The following PRMT7 variants were observed in gnomAD, a reference collection of about 807,000 sequenced individuals.
PRMT7 encodes protein arginine N-methyltransferase 7.
A neutral mutation model predicts 85.4 loss-of-function variants in PRMT7; 75 were observed. The observed-to-expected ratio is 0.88, with a 90% CI of 0.73 to 1.06. The LOEUF (loss-of-function observed/expected upper bound fraction) is 1.06. Among genes scored for constraint, PRMT7 ranks in the 50% least tolerant of loss-of-function variants. PRMT7 has a pLI of 0.00. For synonymous variants in PRMT7, 397 were observed against 359.5 expected (o/e 1.10, Z -1.18); for missense variants, 868 against 915.2 (o/e 0.95, Z 0.67).
At chr16:68,329,724 C>T (rs944850902) in intron 6 of PRMT7, among the ~76,000 whole-genome samples, 1 of 152,000 alleles carries the variant, frequency 6.6e-6, no homozygotes, top group Non-Finnish European at 1.5e-5. Context: ...AAAAAATTAG[C>T]CAGGCATGGT....
chr16:68,352,590 C>T (rs185148934), intron 15 of PRMT7, 181 bp downstream of exon 15: 30 of 513,814 alleles, frequency 5.8e-5, no homozygotes, highest in African/African-American at 3.3e-4. Flanking sequence ...TTAAAAAATG[C>T]GATAATTTGA....
chr16:68,351,961 C>T (rs1476838130), intron 14 of PRMT7: 3 of 277,304 alleles, frequency 1.1e-5, no homozygotes, highest in South Asian at 8.8e-5. Flanking sequence ...TGTCTGCTTC[C>T]CTCTTCTGCT....
intron 4 of PRMT7, among the ~76,000 whole-genome samples, chr16:68,323,457 T>A (rs533694122): frequency 1.6e-4 from 24 of 152,132 alleles, no homozygotes; most frequent in Admixed American, 1.5e-3. Flanking sequence ...TGACCTCAAG[T>A]GATCCACCCG....
chr16:68,347,560 C>T lies in PRMT7; in HGVS notation c.1276-71C>T, dbSNP rs1041862382. Reference sequence around the variant, plus strand: ...GTCCTCTGTCTTAGGATGGTCTTGTCGCATTTTAATCTTTAATTTCTTCTC... The same window carrying T: ...GTCCTCTGTCTTAGGATGGTCTTGTTGCATTTTAATCTTTAATTTCTTCTC... On this transcript the variant is annotated intron_variant, in intron 12 of 18. Transcript: ENST00000441236. 2.7e-5 allele frequency: 41 copies of T among 1,507,954 alleles called. No individual in the cohort carries two copies. In the African/African-American group the frequency reaches 3.6e-4, roughly 13 times the overall value. The allele number at this position is 1,507,954 out of a possible 1,614,324, so 93.4% of individuals were successfully genotyped here.
intron 4 of PRMT7, chr16:68,324,369 T>C: frequency 2.7e-6 from 1 of 364,818 alleles, no homozygotes; most frequent in East Asian, 7.1e-5. Context: ...CCTCCTACCT[T>C]CCAGTCGCCC....
intron 5 of PRMT7, chr16:68,328,358 T>C (rs2083385491): frequency 6.5e-6 from 1 of 153,410 alleles, no homozygotes; most frequent in Admixed American, 6.5e-5. Context: ...AGTTTCTCAC[T>C]GCCCGAGACA....
At chr16:68,336,378 ATTGT>A (rs138741505) in intron 6 of PRMT7, among the ~76,000 whole-genome samples, 2,314 of 152,276 alleles carry the variant, frequency 0.015, 20 homozygotes, top group Middle Eastern at 0.024. Context: ...TATTTAAGAG[ATTGT>A]TTGGTGACAA....
Position 68,347,229 on chromosome 16 carries a change from G to T in PRMT7, c.1210G>T (p.Val404Leu). The T allele has an allele frequency of 6.4e-7, 1 of 1,552,958 alleles. No individual in the cohort carries two copies. Among genetic ancestry groups the T allele is most frequent in the Non-Finnish European group, 8.7e-7 (1 of 1,147,346 alleles). ...CCCGCAGGTGCTGAAGCCAGACAGC[G>T]TGTGCCTGTGTGTCAGCGATGGCAG... ...ALRTVLKPDS[V>L]CLCVSDGSLL... The change falls in exon 12 of 19, where the codon GTG (valine) becomes TTG (leucine). Residue 404 changes from valine to leucine, a missense_variant. By Grantham distance (32) the Val-to-Leu change is conservative. Coordinates refer to ENST00000441236, the MANE Select transcript of PRMT7 (RefSeq NM_019023.5).
intron 2 of PRMT7, 53 bp downstream of exon 2, chr16:68,312,229 A>ATATATATTT (rs1419393129): frequency 1.8e-5 from 2 of 112,680 alleles, no homozygotes; most frequent in African/African-American, 7.4e-5. Context: ...ATATATATAT[A>ATATATATTT]TTTTTTTTTT....
chr16:68,339,880 C>G lies in PRMT7; in HGVS notation c.839C>G (p.Ser280Trp). The change falls in exon 9 of 19, where the codon TCG becomes TGG. Residue 280 changes from serine (S) to tryptophan (W), a missense_variant. Coordinates refer to ENST00000441236, the MANE Select transcript of PRMT7 (RefSeq NM_019023.5). Reference protein sequence around the residue: ...LTSGRAQVVLSWWDIEMDPEG... With the variant: ...LTSGRAQVVLWWWDIEMDPEG... ...TCTGGCCGAGCTCAGGTGGTTCTCTCGTGGTGGGACATTGAAATGGACCCT... is the reference window on the plus strand; with the variant it reads ...TCTGGCCGAGCTCAGGTGGTTCTCTGGTGGTGGGACATTGAAATGGACCCT... 1 of 1,614,176 alleles carries G rather than the reference C, an allele frequency of 6.2e-7. No homozygotes were observed. The highest frequency in any genetic ancestry group is 1.1e-5 in the South Asian group (1 of 91,076).
intron 4 of PRMT7, chr16:68,322,519 T>C (rs1341679598): frequency 5.6e-6 from 2 of 358,804 alleles, no homozygotes; most frequent in African/African-American, 4.2e-5. Flanking sequence ...GTTTACCATG[T>C]GTATATCTTT....
At chr16:68,347,814 C>A in intron 13 of PRMT7, 136 bp downstream of exon 13, 1 of 748,898 alleles carries the variant, frequency 1.3e-6, no homozygotes. Context: ...TGGTTGCTGC[C>A]TGGAGAGCAG....
chr16:68,340,708 C>T (rs1400493161), intron 9 of PRMT7, among the ~76,000 whole-genome samples: 5 of 152,266 alleles, frequency 3.3e-5, no homozygotes, highest in South Asian at 4.1e-4. Context: ...AGCAGGAAAG[C>T]GAGTCATCAG....
At chr16:68,355,479 C>T (rs2088229012) in intron 16 of PRMT7, 1 of 402,634 alleles carries the variant, frequency 2.5e-6, no homozygotes, top group Non-Finnish European at 4.4e-6. Flanking sequence ...AGGCTTGAGA[C>T]AGGCAGCACC....
chr16:68,314,590 G>GA (rs998381868), intron 2 of PRMT7, among the ~76,000 whole-genome samples: 1 of 151,898 alleles, frequency 6.6e-6, no homozygotes, highest in South Asian at 2.1e-4. Context: ...AACTTCAAAA[G>GA]AAAAAAAACT....
intron 9 of PRMT7, among the ~76,000 whole-genome samples, chr16:68,340,549 C>G (rs34019337): frequency 3.4e-3 from 515 of 150,694 alleles, no homozygotes; most frequent in Middle Eastern, 0.014. Context: ...TTACTGCACT[C>G]CCGCCTGGGC....
chr16:68,335,160 A>T (rs1288043407), intron 6 of PRMT7, among the ~76,000 whole-genome samples: 1 of 152,220 alleles, frequency 6.6e-6, no homozygotes, highest in Non-Finnish European at 1.5e-5. Context: ...TAATTGGTTT[A>T]AACATTCAGG....
At chr16:68,331,463 G>GTTCTTTT (rs1567673978) in intron 6 of PRMT7, among the ~76,000 whole-genome samples, 1 of 102,886 alleles carries the variant, frequency 9.7e-6, no homozygotes, top group Non-Finnish European at 2.0e-5. Flanking sequence ...CTCTTTCTTT[G>GTTCTTTT]TTGTTCTTTT....
chr16:68,334,145 C>T (rs2084323252), intron 6 of PRMT7, among the ~76,000 whole-genome samples: 1 of 152,204 alleles, frequency 6.6e-6, no homozygotes, highest in South Asian at 2.1e-4. Context: ...TATTTAATGT[C>T]TGTATCCCCA....
Sources: allele counts gnomAD v4.1 joint callset (sites outside exome capture counted in the v4.1 genomes callset), GRCh38; gene constraint gnomAD v4.1.1; transcripts MANE v1.5; gene names NCBI Gene and HGNC (gene_info 2026-07-23, HGNC 2026-07-21).